SNPH: variants seen among roughly 807,000 people sequenced by gnomAD.
SNPH encodes syntaphilin.
Under a neutral mutation model 36.8 loss-of-function variants are expected in SNPH, and 10 were observed. That is an observed-to-expected ratio of 0.27 (90% CI 0.17 to 0.46). The LOEUF (loss-of-function observed/expected upper bound fraction) is 0.46, where lower values mean the gene tolerates loss of function less well. Among genes scored for constraint, SNPH ranks in the 20% least tolerant of loss-of-function variants. SNPH has a pLI of 1.00. For missense variants in SNPH, 622 were observed against 744.0 expected (o/e 0.84, Z 1.91); for synonymous variants, 281 against 312.2 (o/e 0.90, Z 1.05).
rs560184208 is a variant in SNPH, at chr20:1,295,447, CA to C, written c.-464-328del. On this transcript the variant is annotated intron_variant, in intron 3 of 6. Coordinates refer to ENST00000381867, the MANE Select transcript of SNPH (RefSeq NM_001318234.2). Reference sequence around the variant, plus strand: ...AGGCACGAACGCTTCCTCCTGGGTCCACCCACTGGGACACCCCCAGCGGAGG... The same window carrying C: ...AGGCACGAACGCTTCCTCCTGGGTCCCCCACTGGGACACCCCCAGCGGAGG... 1.6e-4 allele frequency among the ~76,000 whole-genome samples: 24 copies of C among 152,304 alleles called. 1 individual carries two copies. In the South Asian group the frequency reaches 4.1e-3, roughly 26 times the overall value.
chr20:1,269,287 G>A (rs1408731715), intron 2 of SNPH, among the ~76,000 whole-genome samples: 1 of 152,162 alleles, frequency 6.6e-6, no homozygotes, highest in Non-Finnish European at 1.5e-5. Flanking sequence ...ATTCTGTCGA[G>A]TGGATTTTGT....
intron 2 of SNPH, among the ~76,000 whole-genome samples, chr20:1,291,293 T>C (rs2088357972): frequency 6.6e-6 from 1 of 152,208 alleles, no homozygotes. Context: ...GCGCCTCATG[T>C]GTGGTCCCAG....
At chr20:1,300,523 C>G (rs762876406) in intron 5 of SNPH, 39 bp from the exon 6 acceptor site, 1 of 1,612,776 alleles carries the variant, frequency 6.2e-7, no homozygotes, top group Non-Finnish European at 8.5e-7. Context: ...CCTTGCCTGA[C>G]CTCTTCCTCC....
chr20:1,287,996 C>T (rs2088303708), intron 2 of SNPH, among the ~76,000 whole-genome samples: 1 of 152,188 alleles, frequency 6.6e-6, no homozygotes, highest in Non-Finnish European at 1.5e-5. Context: ...AGAGGGGCAG[C>T]CGTGGAGCAG....
In SNPH at chr20:1,285,517, C is replaced by G. The variant is rs1010841935; in HGVS notation, c.-492-9434C>G. 6.6e-6 allele frequency among the ~76,000 whole-genome samples: 1 copy of G among 152,082 alleles called. No homozygotes were observed. The highest frequency in any genetic ancestry group is 2.4e-5 in the African/African-American group (1 of 41,398). On this transcript the variant is annotated intron_variant, in intron 2 of 6. Coordinates refer to ENST00000381867, the MANE Select transcript of SNPH (RefSeq NM_001318234.2). The surrounding 1 kb of genome is among the most constrained non-coding windows in gnomAD (Gnocchi z 4.9). ...TTACTGCTATTTACGGAGTGCTGTC[C>G]CTATGCCAGGTCCTTGCTAGGCATT...
In SNPH at chr20:1,266,649, C is replaced by T; in HGVS notation, c.-599-5C>T. 3 of 1,488,300 alleles carry T rather than the reference C, an allele frequency of 2.0e-6. No homozygotes were observed. The highest frequency in any genetic ancestry group is 2.7e-6 in the Non-Finnish European group (3 of 1,121,690). The allele number at this position is 1,488,300 out of a possible 1,614,324, so 92.2% of individuals were successfully genotyped here. On this transcript the variant is annotated splice_region_variant and splice_polypyrimidine_tract_variant and intron_variant, in intron 1 of 6. Coordinates refer to ENST00000381867, the MANE Select transcript of SNPH (RefSeq NM_001318234.2). The surrounding 1 kb of genome is among the most constrained non-coding windows in gnomAD (Gnocchi z 6.0). ...CCGGTCTATCTCTTTTTCCTAACCC[C>T]GCAGGTCGCTGATCAGGGCCAGGCG...
rs527250622 is a variant in SNPH, at chr20:1,266,363, C to A, written c.-634C>A. 1.3e-5 allele frequency: 4 copies of A among 303,830 alleles called. No homozygotes were observed. The highest frequency in any genetic ancestry group is 2.4e-5 in the Non-Finnish European group (4 of 166,500). The allele number at this position is 303,830 out of a possible 1,614,324, so 18.8% of individuals were successfully genotyped here. ...GCTCGGGAGAGCAATTCGGCGGCCC[C>A]TGCAGGGCAGCTGAAGCCATGGAAG... On this transcript the variant is annotated 5_prime_UTR_variant, in exon 1 of 7. In the 5' UTR this introduces an upstream ATG that the reference lacks. Coordinates refer to ENST00000381867, the MANE Select transcript of SNPH (RefSeq NM_001318234.2). This position sits in a 1 kb window ranked among gnomAD's most constrained non-coding sequence, Gnocchi z 6.0.
At chr20:1,278,246 CTGTG>C (rs1379881024) in intron 2 of SNPH, among the ~76,000 whole-genome samples, 1 of 151,300 alleles carries the variant, frequency 6.6e-6, no homozygotes, top group East Asian at 1.9e-4. Flanking sequence ...GTGTGTGTAT[CTGTG>C]TATGTGTGTC....
Position 1,305,199 on chromosome 20 carries a change from C to T in SNPH, c.762C>T (p.Thr254=), listed in dbSNP as rs370636304. 3 of 1,611,886 alleles carry T rather than the reference C, an allele frequency of 1.9e-6. No homozygotes were observed. Among genetic ancestry groups the T allele is most frequent in the Non-Finnish European group, 2.5e-6 (3 of 1,179,652 alleles). Residue 254 remains threonine, a synonymous_variant, in exon 7 of 7, where the codon ACC becomes ACT. Transcript: ENST00000381867. The part of the protein sequence containing the change: ...SAGGSPARSL[T]RSSTYTKLSD... ...GTGGGTCCCCTGCCCGCTCCCTCAC[C>T]CGCAGCTCCACCTACACCAAGCTGA...
chr20:1,295,565 G>A (rs528949248), intron 3 of SNPH, among the ~76,000 whole-genome samples: 75 of 152,362 alleles, frequency 4.9e-4, no homozygotes, highest in African/African-American at 1.6e-3. Context: ...CGCATTACAT[G>A]GGTGGGTGCG....
chr20:1,303,606 G>A (rs1021410536), intron 6 of SNPH, among the ~76,000 whole-genome samples: 1 of 151,548 alleles, frequency 6.6e-6, no homozygotes, highest in African/African-American at 2.4e-5. Flanking sequence ...GTCCTGATGG[G>A]TGGATGGGCC....
chr20:1,273,276 G>C (rs1211861765), intron 2 of SNPH, among the ~76,000 whole-genome samples: 1 of 152,178 alleles, frequency 6.6e-6, no homozygotes, highest in Non-Finnish European at 1.5e-5. Context: ...CTCTTAATTA[G>C]CAGAAGAAAC....
chr20:1,305,895 G>A lies in SNPH; in HGVS notation c.1458G>A (p.Trp486Ter). The stretch of plus-strand genomic sequence containing the variant: ...TGCCGGCCGTGCCCACGGTGGCCTG[G>A]CTTTGCCGCTCCCAGCGGCGCCAGG... ...VVVPAVPTVA[W>*]LCRSQRRQGQ... Residue 486 changes from tryptophan to a stop codon, truncating the protein, a stop_gained, in exon 7 of 7, where the codon TGG becomes TGA. Coordinates refer to ENST00000381867, the MANE Select transcript of SNPH (RefSeq NM_001318234.2). LOFTEE classifies it high-confidence loss of function. 1.3e-6 allele frequency: 2 copies of A among 1,598,684 alleles called. No homozygotes were observed. Among genetic ancestry groups the A allele is most frequent in the Middle Eastern group, 1.7e-4 (1 of 5,986 alleles).
rs1374033817 is a variant in SNPH at position 1,266,715 on chromosome 20, C to G, written c.-538C>G. 2 of 1,418,426 alleles carry G rather than the reference C, an allele frequency of 1.4e-6. No homozygotes were observed. Among genetic ancestry groups the G allele is most frequent in the Non-Finnish European group, 1.8e-6 (2 of 1,092,228 alleles). The allele number at this position is 1,418,426 out of a possible 1,614,324, so 87.9% of individuals were successfully genotyped here. ...GCAGAGGCGCTGCGCCAAGCCGGGC[C>G]GGAGTGGTGCGAGCCGGCGGGGCTG... On this transcript the variant is annotated 5_prime_UTR_variant, in exon 2 of 7. Transcript: ENST00000381867. This position sits in a 1 kb window ranked among gnomAD's most constrained non-coding sequence, Gnocchi z 6.0.
At position 1,295,988 on chromosome 20, in the gene SNPH, C is replaced by T. The variant is rs929660674; in HGVS notation, c.-252C>T. On this transcript the variant is annotated 5_prime_UTR_variant, in exon 4 of 7. Transcript: ENST00000381867. ...GCTCGTAGAGTAGAAGACTCGGTGC[C>T]GGCAGTCAGGAGGCCCTGCTCCTGA... is the stretch of plus-strand genomic sequence containing the variant. The T allele has an allele frequency of 1.3e-5, 6 of 457,364 alleles. No homozygotes were observed. Among genetic ancestry groups the T allele is most frequent in the Non-Finnish European group, 2.3e-5 (6 of 263,384 alleles). The allele number at this position is 457,364 out of a possible 1,614,324, so 28.3% of individuals were successfully genotyped here.
chr20:1,282,379 T>C (rs1371707825), intron 2 of SNPH, among the ~76,000 whole-genome samples: 4 of 152,238 alleles, frequency 2.6e-5, no homozygotes, highest in Non-Finnish European at 4.4e-5. Flanking sequence ...ATGCAGCCCA[T>C]AAAATACTTT....
chr20:1,280,000 CA>C (rs914594162), intron 2 of SNPH, among the ~76,000 whole-genome samples: 5 of 152,196 alleles, frequency 3.3e-5, no homozygotes, highest in African/African-American at 1.2e-4. Context: ...CCAATGCCAT[CA>C]AAAGGCCTTT....
rs2088430017 is a variant in SNPH, at chr20:1,296,212, G to A, written c.-28G>A. Reference sequence around the variant, plus strand: ...TCTGCCAGGCCCTCGCTCCTGGGGTGTCCTGCCGAAGGGTGAGAAGAGAAG... The same window carrying A: ...TCTGCCAGGCCCTCGCTCCTGGGGTATCCTGCCGAAGGGTGAGAAGAGAAG... On this transcript the variant is annotated 5_prime_UTR_variant, in exon 4 of 7. Transcript: ENST00000381867. 1 of 1,494,392 alleles carries A rather than the reference G, an allele frequency of 6.7e-7. No individual in the cohort carries two copies. Among genetic ancestry groups the A allele is most frequent in the Non-Finnish European group, 8.9e-7 (1 of 1,123,936 alleles). The allele number at this position is 1,494,392 out of a possible 1,614,324, so 92.6% of individuals were successfully genotyped here.
In SNPH at chr20:1,295,891, A is replaced by T. The variant is rs1045213968; in HGVS notation, c.-349A>T. 8.6e-6 allele frequency: 2 copies of T among 232,256 alleles called. No individual in the cohort carries two copies. Among genetic ancestry groups the T allele is most frequent in the Non-Finnish European group, 1.7e-5 (2 of 121,012 alleles). The allele number at this position is 232,256 out of a possible 1,614,324, so 14.4% of individuals were successfully genotyped here. ...AGTCCTACAGCCTGCAGCCCCTACC[A>T]GAGAGGGAGGACTGAACAGCAAGGG... is the stretch of plus-strand genomic sequence containing the variant. On this transcript the variant is annotated 5_prime_UTR_variant, in exon 4 of 7. Transcript: ENST00000381867.
Sources: allele counts gnomAD v4.1 joint callset (sites outside exome capture counted in the v4.1 genomes callset), GRCh38; gene constraint gnomAD v4.1.1; non-coding constraint Gnocchi (gnomAD v3.1); transcripts MANE v1.5; gene names NCBI Gene and HGNC (gene_info 2026-07-23, HGNC 2026-07-21).